Variants in KCNIP4 observed in about 807,000 individuals in gnomAD.
KCNIP4 encodes Kv channel-interacting protein 4.
In KCNIP4, 12 loss-of-function variants were observed where a neutral mutation model predicts 34.0. That is an observed-to-expected ratio of 0.35 (90% confidence interval 0.23 to 0.57). The LOEUF (loss-of-function observed/expected upper bound fraction) is 0.57, where lower values mean the gene tolerates loss of function less well. Ranked by LOEUF, KCNIP4 falls within the 20% of genes least tolerant of loss-of-function variation. The pLI, the probability that KCNIP4 is intolerant of heterozygous loss-of-function variation, is 0.83. For synonymous variants in KCNIP4, 124 were observed against 102.2 expected (o/e 1.21, Z -1.29); for missense variants, 238 against 311.7 (o/e 0.76, Z 1.78).
At chr4:21,074,507 G>A (rs1447034932) in intron 1 of KCNIP4, among the ~76,000 whole-genome samples, 4 of 151,882 alleles carry the variant, frequency 2.6e-5, no homozygotes, top group Admixed American at 6.6e-5. Context: ...TTTTTATTGC[G>A]TCTATTTGAT....
intron 1 of KCNIP4, among the ~76,000 whole-genome samples, chr4:21,838,998 AT>A (rs1258122996): frequency 6.6e-6 from 1 of 152,200 alleles, no homozygotes; most frequent in African/African-American, 2.4e-5. Context: ...AGAAAAAGTC[AT>A]TTTTGAGGGC....
At chr4:20,776,442 GTTTAT>G (rs1394867781) in intron 3 of KCNIP4, among the ~76,000 whole-genome samples, 1 of 152,082 alleles carries the variant, frequency 6.6e-6, no homozygotes, top group Non-Finnish European at 1.5e-5. Context: ...GTCTGGGGTG[GTTTAT>G]TCTCTGTACA....
At chr4:21,299,016 G>A (rs1213043324) in intron 1 of KCNIP4, among the ~76,000 whole-genome samples, 1 of 152,078 alleles carries the variant, frequency 6.6e-6, no homozygotes. Flanking sequence ...TACTAGCTGA[G>A]TTAACCTTGA....
chr4:21,089,885 G>A (rs769968328), intron 1 of KCNIP4, among the ~76,000 whole-genome samples: 1 of 152,074 alleles, frequency 6.6e-6, no homozygotes, highest in Non-Finnish European at 1.5e-5. Flanking sequence ...ACCCTATACT[G>A]GTTGTCTATT....
rs1478174877 is a variant in KCNIP4, at chr4:20,728,837, C to G, written c.*1245G>C. 1 of 152,474 alleles carries G rather than the reference C, an allele frequency of 6.6e-6. No individual in the cohort carries two copies. The highest frequency in any genetic ancestry group is 2.4e-5 in the African/African-American group (1 of 41,424). The allele number at this position is 152,474 out of a possible 1,614,324, so 9.4% of individuals were successfully genotyped here. On this transcript the variant is annotated 3_prime_UTR_variant, in exon 9 of 9. Transcript: ENST00000382152. ...TGCAAATTTCCTCCTTCTGTAGCCTCTTGGTCTTTGTGATATTTCTACAAA... is the reference window on the plus strand; with the variant it reads ...TGCAAATTTCCTCCTTCTGTAGCCTGTTGGTCTTTGTGATATTTCTACAAA...
At chr4:21,147,511 T>C (rs1221813621) in intron 1 of KCNIP4, among the ~76,000 whole-genome samples, 1 of 152,236 alleles carries the variant, frequency 6.6e-6, no homozygotes, top group East Asian at 1.9e-4. Context: ...TTCAGAGTTG[T>C]TGAGCTCCTA....
chr4:20,937,659 G>T (rs75046792), intron 1 of KCNIP4, among the ~76,000 whole-genome samples: 6,319 of 152,184 alleles, frequency 0.042, 273 homozygotes, highest in African/African-American at 0.11. Flanking sequence ...CACATAAGAA[G>T]AAAGCACCAA....
chr4:21,798,595 T>A (rs371111226), intron 1 of KCNIP4, among the ~76,000 whole-genome samples: 102 of 124,904 alleles, frequency 8.2e-4, no homozygotes, highest in Non-Finnish European at 1.3e-3. Flanking sequence ...AGAGAAAAAA[T>A]GCAAAGAGCC....
chr4:21,773,151 T>C (rs1017195298), intron 1 of KCNIP4, among the ~76,000 whole-genome samples: 2 of 152,206 alleles, frequency 1.3e-5, no homozygotes, highest in African/African-American at 4.8e-5. Flanking sequence ...ACTTATTGAT[T>C]TATGCCTTAA....
At chr4:21,262,126 C>T (rs1761510043) in intron 1 of KCNIP4, among the ~76,000 whole-genome samples, 1 of 152,174 alleles carries the variant, frequency 6.6e-6, no homozygotes, top group Non-Finnish European at 1.5e-5. Flanking sequence ...GCAATGACTT[C>T]CCATAAACAG....
intron 1 of KCNIP4, among the ~76,000 whole-genome samples, chr4:21,635,839 C>T (rs926606603): frequency 2.0e-5 from 3 of 151,448 alleles, no homozygotes; most frequent in East Asian, 1.9e-4. Context: ...CACATGCACA[C>T]GTATGTTTAT....
In KCNIP4 at chr4:21,014,720, A is replaced by G. The variant is rs532202180; in HGVS notation, c.62-132011T>C. Among the ~76,000 whole-genome samples, 3 of 152,336 alleles carry G rather than the reference A, an allele frequency of 2.0e-5. No homozygotes were observed. In the East Asian group the frequency reaches 5.8e-4, roughly 29 times the overall value. On this transcript the variant is annotated intron_variant, in intron 1 of 8. Transcript: ENST00000382152. Reference sequence around the variant, plus strand: ...AAAATGGTATGGTAGGGCCTCAAACAGTTAAACGTAGCATTACCATTGACT... The same window carrying G: ...AAAATGGTATGGTAGGGCCTCAAACGGTTAAACGTAGCATTACCATTGACT...
chr4:21,634,148 C>T (rs1321109330), intron 1 of KCNIP4, among the ~76,000 whole-genome samples: 1 of 146,222 alleles, frequency 6.8e-6, no homozygotes, highest in African/African-American at 2.5e-5. Context: ...TGCACTAGAC[C>T]TTTGACAACA....
At chr4:21,737,453 G>A (rs1395591294) in intron 1 of KCNIP4, among the ~76,000 whole-genome samples, 1 of 152,000 alleles carries the variant, frequency 6.6e-6, no homozygotes, top group Non-Finnish European at 1.5e-5. Context: ...TTCTGAAATG[G>A]AGGAGACTAG....
At chr4:21,942,872 C>T (rs943073983) in intron 1 of KCNIP4, among the ~76,000 whole-genome samples, 1 of 152,186 alleles carries the variant, frequency 6.6e-6, no homozygotes, top group Non-Finnish European at 1.5e-5. Flanking sequence ...ATTCTCCCTG[C>T]CTCAGCCTCC....
intron 1 of KCNIP4, among the ~76,000 whole-genome samples, chr4:21,881,892 T>A (rs190806232): frequency 2.6e-5 from 4 of 152,210 alleles, no homozygotes; most frequent in East Asian, 1.9e-4. Flanking sequence ...CACAGAAATC[T>A]GAGGACCTGC....
intron 5 of KCNIP4, among the ~76,000 whole-genome samples, chr4:20,741,973 A>G (rs780837756): frequency 1.3e-5 from 2 of 152,178 alleles, no homozygotes; most frequent in Non-Finnish European, 2.9e-5. Flanking sequence ...AATCTAGAAG[A>G]ATGGATAAAT....
intron 1 of KCNIP4, among the ~76,000 whole-genome samples, chr4:21,312,862 A>G (rs1324034367): frequency 6.6e-6 from 1 of 152,180 alleles, no homozygotes; most frequent in Non-Finnish European, 1.5e-5. Context: ...TCCGTCTTTC[A>G]GCTCCAAATG....
At chr4:20,778,487 A>G (rs1251145718) in intron 3 of KCNIP4, among the ~76,000 whole-genome samples, 1 of 152,206 alleles carries the variant, frequency 6.6e-6, no homozygotes, top group African/African-American at 2.4e-5. Flanking sequence ...AGTACAAGGA[A>G]AACTGGGGAA....
Sources: gnomAD v4.1 joint callset for allele counts (sites outside exome capture counted in the v4.1 genomes callset) on GRCh38, gnomAD v4.1.1 for gene constraint, MANE v1.5 for transcripts, NCBI Gene and HGNC (gene_info 2026-07-23, HGNC 2026-07-21) for gene names.